Variants in MYO1H observed in about 807,000 individuals in gnomAD.
The protein encoded by MYO1H is unconventional myosin-Ih.
In MYO1H, 118 loss-of-function variants were observed where a neutral mutation model predicts 149.3. The observed-to-expected ratio is 0.79, with a 90% CI of 0.68 to 0.92. The LOEUF (loss-of-function observed/expected upper bound fraction) is 0.92. Ranked by LOEUF, MYO1H falls within the 40% of genes least tolerant of loss-of-function variation. The pLI is 0.00. For missense variants in MYO1H, 1,212 were observed against 1,280.7 expected (o/e 0.95, Z 0.82); for synonymous variants, 447 against 465.2 (o/e 0.96, Z 0.50).
At chr12:109,406,467 TAAAAAAAAAA>T (rs56744077) in intron 8 of MYO1H, among the ~76,000 whole-genome samples, 5 of 43,644 alleles carry the variant, frequency 1.1e-4, no homozygotes, top group East Asian at 8.0e-4. Flanking sequence ...CCCTATCTCT[TAAAAAAAAAA>T]AAAAAAAAAA....
At chr12:109,384,699 G>C (rs752115164) in intron 1 of MYO1H, among the ~76,000 whole-genome samples, 21 of 152,348 alleles carry the variant, frequency 1.4e-4, no homozygotes, top group Middle Eastern at 3.4e-3. Context: ...TCATTGTCAT[G>C]TTCCTTAATC....
At chr12:109,424,914 C>T in intron 17 of MYO1H, 86 bp downstream of exon 17, 1 of 986,832 alleles carries the variant, frequency 1.0e-6, no homozygotes, top group Non-Finnish European at 1.6e-6. Flanking sequence ...AAGCCACCTT[C>T]CCCTTTTCTG....
exon 29 of MYO1H, chr12:109,444,215 G>A: frequency 1.2e-5 from 19 of 1,613,226 alleles, no homozygotes; most frequent in Non-Finnish European, 1.5e-5. Flanking sequence ...GTCTTAAGGT[G>A]TCTCCACTAG....
chr12:109,373,916 G>A (rs1869039996), intron 1 of MYO1H, among the ~76,000 whole-genome samples: 2 of 152,188 alleles, frequency 1.3e-5, no homozygotes, highest in South Asian at 2.1e-4. Flanking sequence ...GAACCTGGGA[G>A]GTGGAGGCTG....
At chr12:109,407,600 C>CAAAAAAAAAAA (rs776897477) in intron 9 of MYO1H, among the ~76,000 whole-genome samples, 194 bp from the exon 10 acceptor site, 2 of 68,428 alleles carry the variant, frequency 2.9e-5, no homozygotes, top group African/African-American at 3.9e-5. Context: ...CACATTTCTA[C>CAAAAAAAAAAA]AAAAAAAAAA....
At chr12:109,319,363 A>T in the MYO1H span, among the ~76,000 whole-genome samples, 1 of 152,168 alleles carries the variant, frequency 6.6e-6, no homozygotes, top group South Asian at 2.1e-4. Flanking sequence ...TATATGAGAT[A>T]CACACAGTAG....
chr12:109,396,273 C>A (rs1869900574), intron 3 of MYO1H, 111 bp from the exon 4 acceptor site: 1 of 833,788 alleles, frequency 1.2e-6, no homozygotes, highest in Non-Finnish European at 1.9e-6. Flanking sequence ...GTACCACAGT[C>A]TGGATGTGGC....
At chr12:109,424,688 G>A in intron 16 of MYO1H, 60 bp from the exon 17 acceptor site, 3 of 1,375,208 alleles carry the variant, frequency 2.2e-6, no homozygotes, top group South Asian at 2.4e-5. Context: ...GAGCCGTCCT[G>A]ACAGCCCTGT....
the MYO1H span, among the ~76,000 whole-genome samples, chr12:109,330,839 T>A: frequency 1.3e-5 from 2 of 152,186 alleles, no homozygotes; most frequent in African/African-American, 4.8e-5. Context: ...CCAGCTAACT[T>A]TACAGTTGTC....
the MYO1H span, among the ~76,000 whole-genome samples, chr12:109,335,578 C>A: frequency 5.1e-3 from 764 of 148,636 alleles, 6 homozygotes; most frequent in African/African-American, 0.016. Context: ...AACAAACAAA[C>A]AAAAAAAAAA....
chr12:109,447,989 G>C (rs759926396), exon 32 of MYO1H: 1 of 152,234 alleles, frequency 6.6e-6, no homozygotes, highest in Non-Finnish European at 1.5e-5. Flanking sequence ...GAGGGGCTCC[G>C]TATAATCTCA....
intron 1 of MYO1H, among the ~76,000 whole-genome samples, chr12:109,352,237 G>A (rs966576546): frequency 3.9e-5 from 6 of 152,170 alleles, no homozygotes; most frequent in African/African-American, 1.4e-4. Context: ...TCTTTTAAAC[G>A]GTATAGGAAA....
chr12:109,394,301 T>A (rs1368091593), intron 3 of MYO1H, among the ~76,000 whole-genome samples: 2 of 152,178 alleles, frequency 1.3e-5, no homozygotes, highest in Non-Finnish European at 2.9e-5. Flanking sequence ...CAGAAGTTAA[T>A]TAAAAGGGAC....
At chr12:109,433,255 GC>G (rs1871716848) in intron 20 of MYO1H, among the ~76,000 whole-genome samples, 1 of 152,178 alleles carries the variant, frequency 6.6e-6, no homozygotes, top group Admixed American at 6.5e-5. Flanking sequence ...TAGCAGATGG[GC>G]CTCCTTGCTA....
At chr12:109,369,986 C>G (rs7303418) in intron 1 of MYO1H, among the ~76,000 whole-genome samples, 16,409 of 152,158 alleles carry the variant, frequency 0.11, 1,278 homozygotes, top group African/African-American at 0.22. Flanking sequence ...CAGGGAAACT[C>G]CCTTTTATAA....
At chr12:109,429,129 C>T (rs1206267347) in intron 19 of MYO1H, among the ~76,000 whole-genome samples, 1 of 152,186 alleles carries the variant, frequency 6.6e-6, no homozygotes. Flanking sequence ...ATCATTTGAA[C>T]CCGGGAGGCA....
At chr12:109,443,140 ATATGTGTACGTATGTGTGTG>A (rs1872273096) in intron 27 of MYO1H, among the ~76,000 whole-genome samples, 1 of 135,842 alleles carries the variant, frequency 7.4e-6, no homozygotes, top group African/African-American at 3.1e-5. Flanking sequence ...ATATGTGTGT[ATATGTGTACGTATGTGTGTG>A]TATATGTGTA....
At chr12:109,312,514 CGT>C in the MYO1H span, among the ~76,000 whole-genome samples, 1 of 152,144 alleles carries the variant, frequency 6.6e-6, no homozygotes, top group Non-Finnish European at 1.5e-5. Flanking sequence ...GGATTACAGG[CGT>C]GAGTCACCAC....
chr12:109,350,181 A>G (rs1868435263), intron 1 of MYO1H, among the ~76,000 whole-genome samples: 2 of 152,012 alleles, frequency 1.3e-5, no homozygotes, highest in South Asian at 4.1e-4. Flanking sequence ...TTCGCAGGTG[A>G]TTCATTCAAA....
Sources: allele counts gnomAD v4.1 joint callset (sites outside exome capture counted in the v4.1 genomes callset), GRCh38; gene constraint gnomAD v4.1.1; transcripts MANE v1.5; gene names NCBI Gene and HGNC (gene_info 2026-07-23, HGNC 2026-07-21).